Variants in FLI1 observed in about 807,000 individuals in gnomAD.
FLI1 encodes the protein Fli-1 proto-oncogene, ETS transcription factor.
Under a neutral mutation model 53.1 loss-of-function variants are expected in FLI1, and 13 were observed. The observed-to-expected ratio is 0.24, with a 90% CI of 0.16 to 0.39. The LOEUF is 0.39. Among genes scored for constraint, FLI1 ranks in the 10% least tolerant of loss-of-function variants. The pLI, the probability that FLI1 is intolerant of heterozygous loss-of-function variation, is 1.00. For missense variants in FLI1, 424 were observed against 600.5 expected (o/e 0.71, Z 3.07); for synonymous variants, 244 against 236.7 (o/e 1.03, Z -0.28).
chr11:128,698,523 A>G (rs540875238), intron 1 of FLI1, among the ~76,000 whole-genome samples: 15 of 152,320 alleles, frequency 9.8e-5, no homozygotes, highest in African/African-American at 3.6e-4. Flanking sequence ...GGGTGGGGAA[A>G]CTGAGGTCTA....
chr11:128,698,525 T>C (rs1938183896), intron 1 of FLI1, among the ~76,000 whole-genome samples: 1 of 152,188 alleles, frequency 6.6e-6, no homozygotes, highest in South Asian at 2.1e-4. Flanking sequence ...GTGGGGAAAC[T>C]GAGGTCTAGG....
chr11:128,747,907 T>G (rs1446843236), intron 1 of FLI1, among the ~76,000 whole-genome samples: 2 of 152,274 alleles, frequency 1.3e-5, no homozygotes, highest in African/African-American at 4.8e-5. Context: ...CAGCACTTTT[T>G]GCTTTTCAGC....
chr11:128,739,434 G>A (rs1337000474), intron 1 of FLI1, among the ~76,000 whole-genome samples: 2 of 147,858 alleles, frequency 1.4e-5, no homozygotes, highest in Non-Finnish European at 3.0e-5. Context: ...CAACCCCCCT[G>A]CCCCACCCAT....
intron 5 of FLI1, among the ~76,000 whole-genome samples, chr11:128,784,933 C>T (rs1942040065): frequency 6.6e-6 from 1 of 152,188 alleles, no homozygotes; most frequent in South Asian, 2.1e-4. Flanking sequence ...TGGCATCAAG[C>T]ACAAAGCAAG....
intron 5 of FLI1, among the ~76,000 whole-genome samples, chr11:128,793,022 G>A (rs1309980575): frequency 6.6e-6 from 1 of 152,110 alleles, no homozygotes; most frequent in Non-Finnish European, 1.5e-5. Flanking sequence ...AGAGGCTCAG[G>A]TGGGAGTATT....
intron 2 of FLI1, among the ~76,000 whole-genome samples, chr11:128,767,528 C>T (rs1027236900): frequency 8.5e-5 from 13 of 152,146 alleles, no homozygotes; most frequent in Admixed American, 7.2e-4. Context: ...TTGGGAAATT[C>T]GAATACAACA....
intron 1 of FLI1, among the ~76,000 whole-genome samples, chr11:128,747,831 T>A (rs1043287747): frequency 1.2e-4 from 18 of 152,232 alleles, no homozygotes; most frequent in African/African-American, 4.1e-4. Context: ...TAAAACACAC[T>A]GTAAAATGTT....
At chr11:128,729,789 C>T (rs1939620783) in intron 1 of FLI1, among the ~76,000 whole-genome samples, 1 of 152,172 alleles carries the variant, frequency 6.6e-6, no homozygotes, top group Non-Finnish European at 1.5e-5. Flanking sequence ...CAGGTACTGG[C>T]TGGTGGGACT....
At chr11:128,777,402 GCGAC>G (rs1330321395) in intron 4 of FLI1, among the ~76,000 whole-genome samples, 3 of 151,946 alleles carry the variant, frequency 2.0e-5, no homozygotes, top group Non-Finnish European at 4.4e-5. Context: ...ATGAAACTGC[GCGAC>G]CGGGAGACCA....
chr11:128,799,058 C>CTTTTTTTTTTTTTTTTTTTTTT (rs1942544964), intron 5 of FLI1, among the ~76,000 whole-genome samples: 2 of 102,750 alleles, frequency 1.9e-5, no homozygotes, highest in African/African-American at 7.8e-5. Context: ...TATTATTTTG[C>CTTTTTTTTTTTTTTTTTTTTTT]TTTGGAGACA....
upstream of FLI1, among the ~76,000 whole-genome samples, chr11:128,685,691 C>T (rs1306698646): frequency 1.9e-5 from 2 of 102,860 alleles, no homozygotes; most frequent in Non-Finnish European, 3.5e-5. Flanking sequence ...TGTGTGTTCT[C>T]TTGTGGCTTG....
At chr11:128,695,269 G>C (rs1338963566) in intron 1 of FLI1, among the ~76,000 whole-genome samples, 1 of 152,260 alleles carries the variant, frequency 6.6e-6, no homozygotes, top group Non-Finnish European at 1.5e-5. Flanking sequence ...TCTCTGAAAG[G>C]GTTCGCCAAG....
At chr11:128,710,017 G>A (rs1938719952) in intron 1 of FLI1, among the ~76,000 whole-genome samples, 1 of 152,196 alleles carries the variant, frequency 6.6e-6, no homozygotes, top group Admixed American at 6.5e-5. Context: ...CCTTGAAGAT[G>A]ATCCTCTTTT....
At chr11:128,686,710 T>G (rs1158938357) in intron 1 of FLI1, 1 of 339,398 alleles carries the variant, frequency 2.9e-6, no homozygotes, top group African/African-American at 2.2e-5. Flanking sequence ...AGGTAAGACA[T>G]GGCAGCGTCT....
intron 3 of FLI1, among the ~76,000 whole-genome samples, chr11:128,770,667 T>C (rs1941518135): frequency 6.6e-6 from 1 of 152,106 alleles, no homozygotes; most frequent in Non-Finnish European, 1.5e-5. Flanking sequence ...AAATAAAATA[T>C]ATGGTGTAAA....
intron 1 of FLI1, among the ~76,000 whole-genome samples, chr11:128,707,115 C>A (rs907832019): frequency 1.3e-5 from 2 of 152,126 alleles, no homozygotes; most frequent in South Asian, 4.1e-4. Flanking sequence ...ATAGCAAAGG[C>A]AAGGGGTTAA....
At chr11:128,771,211 C>A (rs911236622) in intron 3 of FLI1, among the ~76,000 whole-genome samples, 6 of 152,258 alleles carry the variant, frequency 3.9e-5, no homozygotes, top group African/African-American at 1.4e-4. Flanking sequence ...GCCGTCACTG[C>A]TCACAGGGCA....
intron 6 of FLI1, 158 bp downstream of exon 6, chr11:128,805,589 C>T: frequency 3.5e-6 from 2 of 573,494 alleles, no homozygotes; most frequent in Non-Finnish European, 6.2e-6. Context: ...TTCCATGATA[C>T]CAGTCCTTGA....
At chr11:128,794,477 A>C (rs1462777486) in intron 5 of FLI1, among the ~76,000 whole-genome samples, 2 of 152,238 alleles carry the variant, frequency 1.3e-5, no homozygotes, top group East Asian at 3.8e-4. Flanking sequence ...AGAGAGAGAG[A>C]GACGGAGAAG....
Sources: gnomAD v4.1 joint callset for allele counts (sites outside exome capture counted in the v4.1 genomes callset) on GRCh38, gnomAD v4.1.1 for gene constraint, MANE v1.5 for transcripts, NCBI Gene and HGNC (gene_info 2026-07-23, HGNC 2026-07-21) for gene names.